The following ADAMTS12 variants were observed in gnomAD, a reference collection of about 807,000 sequenced individuals.
ADAMTS12 encodes ADAM metallopeptidase with thrombospondin type 1 motif 12, also known as A disintegrin and metalloproteinase with thrombospondin motifs 12.
A neutral mutation model predicts 167.8 loss-of-function variants in ADAMTS12; 118 were observed. The observed-to-expected ratio is 0.70, with a 90% CI of 0.61 to 0.82. The LOEUF (loss-of-function observed/expected upper bound fraction) is 0.82. ADAMTS12 is among the 40% of genes least tolerant of loss of function. ADAMTS12 has a pLI of 0.00. For missense variants in ADAMTS12, 1,916 were observed against 1,998.8 expected (o/e 0.96, Z 0.79); for synonymous variants, 704 against 716.9 (o/e 0.98, Z 0.29).
At chr5:33,609,955 G>A (rs892963865) in intron 16 of ADAMTS12, among the ~76,000 whole-genome samples, 5 of 152,032 alleles carry the variant, frequency 3.3e-5, no homozygotes, top group African/African-American at 4.8e-5. Context: ...CAAAGTGGGC[G>A]GATCACCTGA....
chr5:33,747,671 G>C (rs371854578), intron 3 of ADAMTS12, among the ~76,000 whole-genome samples: 10 of 152,152 alleles, frequency 6.6e-5, no homozygotes, highest in African/African-American at 2.2e-4. Context: ...AGATTGGATC[G>C]AGTGTGAAAG....
At chr5:33,709,118 A>T (rs575955238) in intron 3 of ADAMTS12, among the ~76,000 whole-genome samples, 1 of 152,280 alleles carries the variant, frequency 6.6e-6, no homozygotes, top group East Asian at 1.9e-4. Context: ...AACATCACTG[A>T]TCATTAGAGA....
At chr5:33,832,164 CA>C (rs1239354095) in intron 2 of ADAMTS12, among the ~76,000 whole-genome samples, 1 of 152,068 alleles carries the variant, frequency 6.6e-6, no homozygotes, top group East Asian at 1.9e-4. Flanking sequence ...GTTTGATTTC[CA>C]AAGAAAAACC....
intron 3 of ADAMTS12, among the ~76,000 whole-genome samples, chr5:33,743,688 T>TATCC (rs1744681414): frequency 6.6e-6 from 1 of 152,218 alleles, no homozygotes; most frequent in Non-Finnish European, 1.5e-5. Context: ...TATCTGCGTC[T>TATCC]ATCCATCCAT....
intron 13 of ADAMTS12, among the ~76,000 whole-genome samples, chr5:33,627,134 G>A (rs1290523279): frequency 1.3e-5 from 2 of 148,520 alleles, no homozygotes; most frequent in East Asian, 2.0e-4. Context: ...TGGTGATGTG[G>A]TGGTGGTGGT....
At chr5:33,681,539 C>T (rs1167660635) in intron 5 of ADAMTS12, among the ~76,000 whole-genome samples, 2 of 152,122 alleles carry the variant, frequency 1.3e-5, no homozygotes, top group African/African-American at 4.8e-5. Flanking sequence ...ATGGCTTCCG[C>T]CCTCATGGAA....
At chr5:33,878,657 T>G (rs1027869997) in intron 2 of ADAMTS12, among the ~76,000 whole-genome samples, 1 of 152,194 alleles carries the variant, frequency 6.6e-6, no homozygotes, top group Non-Finnish European at 1.5e-5. Flanking sequence ...GATCTGGTAC[T>G]TTAGAGTAAC....
At chr5:33,559,452 T>G (rs899243661) in intron 20 of ADAMTS12, among the ~76,000 whole-genome samples, 5 of 152,200 alleles carry the variant, frequency 3.3e-5, no homozygotes, top group Non-Finnish European at 7.3e-5. Context: ...AGATTAGGCC[T>G]AGTTAGTGTC....
chr5:33,621,469 G>C (rs186177131), intron 14 of ADAMTS12, among the ~76,000 whole-genome samples: 1 of 151,338 alleles, frequency 6.6e-6, no homozygotes, highest in Admixed American at 6.6e-5. Context: ...CCTCATTTCT[G>C]AGATTCTGAT....
chr5:33,578,277 T>C (rs1237900451), intron 18 of ADAMTS12, among the ~76,000 whole-genome samples: 1 of 152,214 alleles, frequency 6.6e-6, no homozygotes, highest in Non-Finnish European at 1.5e-5. Context: ...GTGATATACA[T>C]GACGTCCCTA....
At chr5:33,791,169 C>G (rs1359890006) in intron 2 of ADAMTS12, among the ~76,000 whole-genome samples, 1 of 152,164 alleles carries the variant, frequency 6.6e-6, no homozygotes, top group Non-Finnish European at 1.5e-5. Flanking sequence ...GCCAGTACCT[C>G]TTGACTCTCA....
At chr5:33,714,813 G>C (rs1330465107) in intron 3 of ADAMTS12, among the ~76,000 whole-genome samples, 1 of 152,022 alleles carries the variant, frequency 6.6e-6, no homozygotes, top group African/African-American at 2.4e-5. Context: ...GGAAGGCAGA[G>C]TATGAAGAGA....
At chr5:33,720,213 T>G (rs1743758264) in intron 3 of ADAMTS12, among the ~76,000 whole-genome samples, 1 of 151,994 alleles carries the variant, frequency 6.6e-6, no homozygotes, top group Non-Finnish European at 1.5e-5. Context: ...AGGGATTTTT[T>G]GGCATCAATG....
At chr5:33,737,100 C>A (rs1468594096) in intron 3 of ADAMTS12, among the ~76,000 whole-genome samples, 5 of 152,206 alleles carry the variant, frequency 3.3e-5, no homozygotes, top group Non-Finnish European at 7.3e-5. Flanking sequence ...ACATCCCATG[C>A]AAGTACCTGC....
chr5:33,745,126 G>C (rs1041462193), intron 3 of ADAMTS12, among the ~76,000 whole-genome samples: 3 of 152,176 alleles, frequency 2.0e-5, no homozygotes, highest in African/African-American at 7.2e-5. Context: ...ATCTTTGGGG[G>C]TTTTCTTTAG....
chr5:33,851,109 G>A (rs1045543429), intron 2 of ADAMTS12, among the ~76,000 whole-genome samples: 1 of 152,134 alleles, frequency 6.6e-6, no homozygotes, highest in African/African-American at 2.4e-5. Context: ...AGTGGACTAA[G>A]CTAGCAATAA....
chr5:33,655,279 G>C (rs1227079418), intron 7 of ADAMTS12, among the ~76,000 whole-genome samples: 1 of 152,090 alleles, frequency 6.6e-6, no homozygotes, highest in African/African-American at 2.4e-5. Context: ...GATTTCTCCA[G>C]AGCCAATTAG....
intron 16 of ADAMTS12, among the ~76,000 whole-genome samples, chr5:33,613,444 A>G (rs769357849): frequency 6.6e-6 from 1 of 152,098 alleles, no homozygotes; most frequent in Non-Finnish European, 1.5e-5. Flanking sequence ...TTGCAGTTAG[A>G]TGGTGCCCAT....
chr5:33,636,904 A>G (rs371673606), intron 12 of ADAMTS12, among the ~76,000 whole-genome samples: 2 of 151,886 alleles, frequency 1.3e-5, no homozygotes, highest in South Asian at 2.1e-4. Flanking sequence ...CCATTCTCCA[A>G]CTCCATTATG....
Sources: gnomAD v4.1 joint callset for allele counts (sites outside exome capture counted in the v4.1 genomes callset) on GRCh38, gnomAD v4.1.1 for gene constraint, MANE v1.5 for transcripts, NCBI Gene and HGNC (gene_info 2026-07-23, HGNC 2026-07-21) for gene names.